DNAH12: variants seen among roughly 807,000 people sequenced by gnomAD.
DNAH12 encodes axonemal beta dynein heavy chain 12.
DNAH12 carries 285 observed loss-of-function variants against 371.5 expected under a neutral mutation model. That is an observed-to-expected ratio of 0.77 (90% CI 0.70 to 0.85). The LOEUF is 0.85. DNAH12 is among the 40% of genes least tolerant of loss of function. The pLI is 0.00. For missense variants in DNAH12, 3,611 were observed against 3,689.4 expected (o/e 0.98, Z 0.55); for synonymous variants, 1,200 against 1,213.0 (o/e 0.99, Z 0.22).
In DNAH12 at chr3:57,408,510, T is replaced by C. The variant is rs1553682036; in HGVS notation, c.6046A>G (p.Ile2016Val). 2.6e-6 allele frequency: 4 copies of C among 1,548,718 alleles called. No homozygotes were observed. ...HWYDLKDTSKITLVDIELIAA... is the reference protein window; with the variant it reads ...HWYDLKDTSKVTLVDIELIAA... ...ATCAGCTCTATGTCCACCAGCGTGA[T>C]TTTACTTGTGTCCTTAAGGTCGTAC... The change falls in exon 40 of 74, where the codon ATC (isoleucine) becomes GTC (valine). Residue 2016 changes from isoleucine (I) to valine (V), a missense_variant. Physicochemically the swap from Ile to Val is conservative, Grantham distance 29. Coordinates refer to ENST00000495027, the MANE Select transcript of DNAH12 (RefSeq NM_001366028.2).
intron 25 of DNAH12, 106 bp from the exon 26 acceptor site, chr3:57,446,795 CCAT>C: frequency 8.9e-7 from 1 of 1,126,856 alleles, no homozygotes; most frequent in Non-Finnish European, 1.2e-6. Flanking sequence ...TTCAGAGAAG[CCAT>C]TATATAATTA....
At chr3:57,294,512 TGGA>T in intron 73 of DNAH12, among the ~76,000 whole-genome samples, 2 of 152,042 alleles carry the variant, frequency 1.3e-5, no homozygotes, top group African/African-American at 4.8e-5. Context: ...ATTCTAGGTG[TGGA>T]AGACAGGAAT....
chr3:57,510,529 A>G (rs2067950543), intron 5 of DNAH12, among the ~76,000 whole-genome samples: 1 of 151,922 alleles, frequency 6.6e-6, no homozygotes, highest in Non-Finnish European at 1.5e-5. Flanking sequence ...AGTTCCAGGT[A>G]CTCGGGAGGC....
intron 60 of DNAH12, 32 bp from the exon 61 acceptor site, chr3:57,334,972 T>C (rs761689926): frequency 7.9e-6 from 12 of 1,519,724 alleles, no homozygotes; most frequent in Admixed American, 2.3e-5. Flanking sequence ...TGTTATATAA[T>C]TGTTGATTTT....
rs1348007275 is a variant in DNAH12, at chr3:57,305,529, T to G, written c.11190-3590A>C. 2.0e-5 allele frequency among the ~76,000 whole-genome samples: 3 copies of G among 152,104 alleles called. No homozygotes were observed. In the East Asian group the frequency reaches 5.8e-4, roughly 29 times the overall value. On this transcript the variant is annotated intron_variant, in intron 69 of 73. Transcript: ENST00000495027. ...AAAAAGGTGGCTGGAGCTAAAGACA[T>G]AGTCAAGGTTAATGCTCCTTTTTCT... is the stretch of plus-strand genomic sequence containing the variant.
intron 69 of DNAH12, among the ~76,000 whole-genome samples, chr3:57,303,584 A>T (rs1439760896): frequency 6.6e-6 from 1 of 151,750 alleles, no homozygotes; most frequent in Non-Finnish European, 1.5e-5. Flanking sequence ...GATAATTTTT[A>T]AATTTTTGTT....
chr3:57,296,467 C>A, intron 71 of DNAH12, 32 bp from the exon 72 acceptor site: 2 of 1,474,394 alleles, frequency 1.4e-6, no homozygotes, highest in Non-Finnish European at 1.8e-6. Flanking sequence ...AGCAGTGATC[C>A]TCTCCAGACA....
intron 52 of DNAH12, among the ~76,000 whole-genome samples, chr3:57,378,806 T>A (rs2063331414): frequency 6.6e-6 from 1 of 152,232 alleles, no homozygotes. Flanking sequence ...TTGAATCAAC[T>A]TTTTAATCTG....
intron 52 of DNAH12, among the ~76,000 whole-genome samples, chr3:57,377,508 T>C (rs993746491): frequency 0.094 from 14,269 of 152,016 alleles, 2,179 homozygotes; most frequent in African/African-American, 0.32. Context: ...CTCAAAATAA[T>C]GAGAAGGTGT....
At chr3:57,349,908 T>C (rs1315408303) in intron 60 of DNAH12, among the ~76,000 whole-genome samples, 2 of 152,200 alleles carry the variant, frequency 1.3e-5, no homozygotes, top group African/African-American at 2.4e-5. Context: ...CTGGGTGGTC[T>C]TGAGCACCTG....
intron 60 of DNAH12, among the ~76,000 whole-genome samples, chr3:57,342,671 AAGG>A (rs1338349685): frequency 2.1e-4 from 32 of 149,444 alleles, no homozygotes; most frequent in African/African-American, 7.8e-4. Flanking sequence ...AAAAAAAAAA[AAGG>A]AAAGAAAAGA....
At chr3:57,302,568 T>TTTA (rs2061382352) in intron 69 of DNAH12, among the ~76,000 whole-genome samples, 1 of 48,624 alleles carries the variant, frequency 2.1e-5, no homozygotes, top group African/African-American at 1.4e-4. Context: ...TATATATGTA[T>TTTA]TTTTTTTTTT....
chr3:57,461,817 A>G (rs2066062805), intron 18 of DNAH12, 128 bp from the exon 19 acceptor site: 3 of 739,544 alleles, frequency 4.1e-6, no homozygotes, highest in Non-Finnish European at 4.3e-6. Flanking sequence ...ATAATCTGTG[A>G]GTACAGTATA....
chr3:57,439,743 AAAC>A (rs57620249), intron 29 of DNAH12, among the ~76,000 whole-genome samples: 21,508 of 152,116 alleles, frequency 0.14, 1,561 homozygotes, highest in South Asian at 0.19. Flanking sequence ...TCAACAGAAA[AAAC>A]AACAACCTAC....
Position 57,508,390 on chromosome 3 carries a change from T to C in DNAH12, c.693A>G (p.Thr231=). ...TFADTVLLDF[T]GIRAKGPIDC... is the part of the protein sequence containing the mutation. ...ATTAAACGGGATTTTACCTAATTCC[T>C]GTGAAGTCCAACAAAACTGTATCAG... Residue 231 remains threonine, a synonymous_variant, in exon 7 of 74, where the codon ACA becomes ACG. Coordinates refer to ENST00000495027, the MANE Select transcript of DNAH12 (RefSeq NM_001366028.2). 1 of 1,602,442 alleles carries C rather than the reference T, an allele frequency of 6.2e-7. No homozygotes were observed. Among genetic ancestry groups the C allele is most frequent in the Non-Finnish European group, 8.5e-7 (1 of 1,176,578 alleles).
chr3:57,524,641 G>A (rs948251400), intron 2 of DNAH12, among the ~76,000 whole-genome samples: 3 of 151,954 alleles, frequency 2.0e-5, no homozygotes, highest in African/African-American at 4.8e-5. Context: ...GTTCAGAGAG[G>A]GGACAAGTTA....
intron 4 of DNAH12, among the ~76,000 whole-genome samples, chr3:57,511,383 C>T (rs1353105718): frequency 3.3e-5 from 5 of 152,012 alleles, no homozygotes; most frequent in Non-Finnish European, 5.9e-5. Context: ...GATTATATTC[C>T]AGTACAATAG....
chr3:57,350,964 A>G (rs1160879486), intron 60 of DNAH12, among the ~76,000 whole-genome samples: 1 of 152,158 alleles, frequency 6.6e-6, no homozygotes, highest in East Asian at 1.9e-4. Context: ...AGATTTTTTT[A>G]ACAACAATAT....
intron 2 of DNAH12, among the ~76,000 whole-genome samples, chr3:57,528,806 C>CT (rs921786413): frequency 1.9e-4 from 28 of 147,708 alleles, no homozygotes; most frequent in Non-Finnish European, 2.5e-4. Context: ...TTTTCAATTT[C>CT]TTTTTTTTTG....
Sources: allele counts gnomAD v4.1 joint callset (sites outside exome capture counted in the v4.1 genomes callset), GRCh38; gene constraint gnomAD v4.1.1; transcripts MANE v1.5; gene names NCBI Gene and HGNC (gene_info 2026-07-23, HGNC 2026-07-21).